Variants in DNAJB14 observed in about 807,000 individuals in gnomAD.
The protein encoded by DNAJB14 is DnaJ heat shock protein family (Hsp40) member B14, also known as dnaJ homolog subfamily B member 14.
Under a neutral mutation model 48.4 loss-of-function variants are expected in DNAJB14, and 22 were observed. That is an observed-to-expected ratio of 0.45 (90% CI 0.32 to 0.65). The LOEUF (loss-of-function observed/expected upper bound fraction) is 0.65. DNAJB14 is among the 30% of genes least tolerant of loss of function. The pLI is 0.03. For missense variants in DNAJB14, 319 were observed against 458.8 expected, an observed-to-expected ratio of 0.70 and a Z score of 2.78; for synonymous variants, 142 against 158.7, an observed-to-expected ratio of 0.89 and a Z score of 0.79.
intron 3 of DNAJB14, among the ~76,000 whole-genome samples, chr4:99,916,496 C>T (rs1445444808): frequency 6.6e-6 from 1 of 152,164 alleles, no homozygotes; most frequent in African/African-American, 2.4e-5. Context: ...ATAGACAGGT[C>T]ACTTACATGT....
Position 99,908,855 on chromosome 4 carries a change from G to A in DNAJB14, c.493C>T (p.Arg165Ter), listed in dbSNP as rs1392337153. 3 of 1,594,158 alleles carry A rather than the reference G, an allele frequency of 1.9e-6. No individual in the cohort carries two copies. The highest frequency in any genetic ancestry group is 2.6e-6 in the Non-Finnish European group (3 of 1,171,732). Residue 165 changes from arginine (R) to a stop codon, truncating the protein, a stop_gained, in exon 4 of 8, where the codon CGA becomes TGA. Coordinates refer to ENST00000442697, the MANE Select transcript of DNAJB14 (RefSeq NM_001031723.4). LOFTEE classifies it high-confidence loss of function. ...AYAVLSNPEKRKQYDLTGNEE... is the reference protein window; with the variant it reads ...AYAVLSNPEK ...TTGCCCGTGAGGTCATACTGTTTTCGCTTTTCTGGATTACTTAAAACAGCA... is the reference window on the plus strand; with the variant it reads ...TTGCCCGTGAGGTCATACTGTTTTCACTTTTCTGGATTACTTAAAACAGCA...
At chr4:99,923,311 G>A (rs1324928565) in intron 2 of DNAJB14, 126 bp from the exon 3 acceptor site, 1 of 890,764 alleles carries the variant, frequency 1.1e-6, no homozygotes, top group East Asian at 2.9e-5. Flanking sequence ...ATCTAATGAA[G>A]GCTTATCCCT....
chr4:99,913,073 A>C (rs553440580), intron 3 of DNAJB14, among the ~76,000 whole-genome samples: 1 of 152,298 alleles, frequency 6.6e-6, no homozygotes, highest in African/African-American at 2.4e-5. Flanking sequence ...TTGTAGTCAC[A>C]GTTTTTTCTG....
intron 1 of DNAJB14, among the ~76,000 whole-genome samples, chr4:99,943,050 A>C (rs1726937638): frequency 6.6e-6 from 1 of 152,164 alleles, no homozygotes; most frequent in African/African-American, 2.4e-5. Flanking sequence ...TGAATTCTTA[A>C]ATTGTACCAA....
chr4:99,915,678 C>T (rs1329680255), intron 3 of DNAJB14, among the ~76,000 whole-genome samples: 2 of 152,136 alleles, frequency 1.3e-5, no homozygotes, highest in Admixed American at 6.5e-5. Flanking sequence ...GTTCTGTGGG[C>T]ACTTGAAAAG....
chr4:99,936,084 A>T (rs191762519), intron 1 of DNAJB14, among the ~76,000 whole-genome samples: 9,837 of 151,316 alleles, frequency 0.065, 458 homozygotes, highest in East Asian at 0.24. Flanking sequence ...AAATTTAAAA[A>T]TAGAGACAGT....
Position 99,946,603 on chromosome 4 carries a change from C to A in DNAJB14, c.-32G>T, listed in dbSNP as rs1273613907. On this transcript the variant is annotated 5_prime_UTR_variant, in exon 1 of 8. Coordinates refer to ENST00000442697, the MANE Select transcript of DNAJB14 (RefSeq NM_001031723.4). ...CTCCTTCTTCCGTTTCCTCCGGCAG[C>A]GCAGCTAAGAAGGGCGGAAGCCGCC... is the stretch of plus-strand genomic sequence containing the variant. 1 of 1,610,816 alleles carries A rather than the reference C, an allele frequency of 6.2e-7. No individual in the cohort carries two copies. The highest frequency in any genetic ancestry group is 8.5e-7 in the Non-Finnish European group (1 of 1,177,972).
intron 5 of DNAJB14, chr4:99,905,907 C>A (rs1725447605): frequency 1.5e-6 from 2 of 1,333,852 alleles, no homozygotes; most frequent in Admixed American, 5.9e-5. Context: ...ATTTGAAAAA[C>A]ACTGATAAAA....
In DNAJB14 at chr4:99,932,031, A is replaced by T. The variant is rs990284802; in HGVS notation, c.134-1410T>A. On this transcript the variant is annotated intron_variant, in intron 1 of 7. Transcript: ENST00000442697. ...GGACACAAAAATTAACTCGGAATGG[A>T]TCATGAATCTAAGTGTAAGAGCTAA... 6.6e-5 allele frequency among the ~76,000 whole-genome samples: 10 copies of T among 152,236 alleles called. No homozygotes were observed. In the South Asian group the frequency reaches 2.1e-3, roughly 32 times the overall value.
chr4:99,925,061 G>A (rs1726202531), intron 2 of DNAJB14: 1 of 454,132 alleles, frequency 2.2e-6, no homozygotes, highest in African/African-American at 2.0e-5. Context: ...GGTATCCACA[G>A]GGGATTAGTT....
intron 7 of DNAJB14, among the ~76,000 whole-genome samples, chr4:99,902,873 G>T (rs1725341000): frequency 6.6e-6 from 1 of 152,106 alleles, no homozygotes; most frequent in Admixed American, 6.6e-5. Flanking sequence ...GGGTTGTTGT[G>T]AAGATTAAAT....
At chr4:99,905,187 T>C (rs1319327643) in intron 6 of DNAJB14, among the ~76,000 whole-genome samples, 3 of 152,064 alleles carry the variant, frequency 2.0e-5, no homozygotes, top group African/African-American at 7.2e-5. Context: ...AAAAGTAATA[T>C]TTGCTTTTAT....
At chr4:99,905,188 T>C (rs1229361673) in intron 6 of DNAJB14, among the ~76,000 whole-genome samples, 1 of 152,044 alleles carries the variant, frequency 6.6e-6, no homozygotes, top group Non-Finnish European at 1.5e-5. Flanking sequence ...AAAGTAATAT[T>C]TGCTTTTATT....
intron 5 of DNAJB14, chr4:99,906,302 T>C: frequency 9.4e-7 from 1 of 1,062,746 alleles, no homozygotes; most frequent in East Asian, 2.8e-5. Flanking sequence ...AATCATAGAA[T>C]AACAAATCTA....
intron 3 of DNAJB14, among the ~76,000 whole-genome samples, chr4:99,916,751 T>C (rs901262966): frequency 6.6e-6 from 1 of 152,172 alleles, no homozygotes; most frequent in Admixed American, 6.5e-5. Flanking sequence ...TATACATAAT[T>C]TATAACCCTC....
In DNAJB14 at chr4:99,923,205, T is replaced by G. The variant is rs757132593; in HGVS notation, c.306-20A>C. On this transcript the variant is annotated intron_variant, in intron 2 of 7. Coordinates refer to ENST00000442697, the MANE Select transcript of DNAJB14 (RefSeq NM_001031723.4). ...TTTATGCTGTGAACAAGAGAGTGTG[T>G]TATAATGTAAATTTCAAGGAAGACG... 1 of 1,580,102 alleles carries G rather than the reference T, an allele frequency of 6.3e-7. No individual in the cohort carries two copies. The highest frequency in any genetic ancestry group is 8.6e-7 in the Non-Finnish European group (1 of 1,164,140).
At chr4:99,921,063 G>A (rs1165469564) in intron 3 of DNAJB14, among the ~76,000 whole-genome samples, 1 of 152,166 alleles carries the variant, frequency 6.6e-6, no homozygotes, top group Admixed American at 6.5e-5. Flanking sequence ...GTGTGATGAT[G>A]CCATCTGTAA....
At chr4:99,928,333 T>G (rs1045188599) in intron 2 of DNAJB14, 13 of 156,308 alleles carry the variant, frequency 8.3e-5, no homozygotes, top group Middle Eastern at 1.2e-3. Flanking sequence ...ACAGAAAAAT[T>G]CCTTCCACCT....
chr4:99,900,303 C>T lies in DNAJB14; in HGVS notation c.*725G>A, dbSNP rs1254528021. ...TTAGTTTAATATTTATAGCCATTTC[C>T]TCATATTTTCTTTAAAATTTATCAG... On this transcript the variant is annotated 3_prime_UTR_variant, in exon 8 of 8. Transcript: ENST00000442697. 6.6e-6 allele frequency: 1 copy of T among 151,788 alleles called. No individual in the cohort carries two copies. Among genetic ancestry groups the T allele is most frequent in the Non-Finnish European group, 1.5e-5 (1 of 67,848 alleles). 9.4% of individuals were successfully genotyped at this position (151,788 alleles called of 1,614,324 possible). A position where few individuals can be genotyped will look rare whatever the true frequency, so the allele number is the denominator to read the frequency against.
Sources: allele counts gnomAD v4.1 joint callset (sites outside exome capture counted in the v4.1 genomes callset), GRCh38; gene constraint gnomAD v4.1.1; transcripts MANE v1.5; gene names NCBI Gene and HGNC (gene_info 2026-07-23, HGNC 2026-07-21).